Variants in NRG3 observed in about 807,000 individuals in gnomAD.
The protein encoded by NRG3 is pro-neuregulin-3, membrane-bound isoform.
A neutral mutation model predicts 66.9 loss-of-function variants in NRG3; 31 were observed. The observed-to-expected ratio is 0.46, with a 90% CI of 0.35 to 0.63. NRG3 has a LOEUF of 0.63. Among genes scored for constraint, NRG3 ranks in the 20% least tolerant of loss-of-function variants. The probability of loss-of-function intolerance (pLI) is 0.00; values close to 1 mark genes in which losing one functional copy is unlikely to be tolerated. For missense variants in NRG3, 910 were observed against 878.9 expected (o/e 1.04, Z -0.45); for synonymous variants, 393 against 359.4 (o/e 1.09, Z -1.06).
intron 1 of NRG3, among the ~76,000 whole-genome samples, chr10:81,957,437 A>T (rs1849947870): frequency 6.6e-6 from 1 of 152,202 alleles, no homozygotes; most frequent in African/African-American, 2.4e-5. Context: ...AATATTTAAA[A>T]TAGTCAGTGC....
chr10:82,853,585 T>A (rs1369013365), intron 3 of NRG3, among the ~76,000 whole-genome samples: 1 of 152,148 alleles, frequency 6.6e-6, no homozygotes, highest in Non-Finnish European at 1.5e-5. Context: ...TTGAGTTTTT[T>A]ATTTGATTGT....
intron 2 of NRG3, among the ~76,000 whole-genome samples, chr10:82,534,617 A>T (rs983731437): frequency 3.3e-5 from 5 of 152,150 alleles, no homozygotes; most frequent in African/African-American, 1.2e-4. Context: ...AAATAGCCAA[A>T]TCAATCTTGA....
At chr10:81,901,336 G>T (rs1291214602) in intron 1 of NRG3, among the ~76,000 whole-genome samples, 1 of 152,222 alleles carries the variant, frequency 6.6e-6, no homozygotes, top group Non-Finnish European at 1.5e-5. Flanking sequence ...TGGTCAACAT[G>T]TGTGATTTCT....
intron 1 of NRG3, among the ~76,000 whole-genome samples, chr10:81,930,034 A>G (rs1289317082): frequency 1.3e-5 from 2 of 152,146 alleles, no homozygotes; most frequent in African/African-American, 2.4e-5. Flanking sequence ...TCCAGCCTCA[A>G]TGCACTGGGC....
intron 4 of NRG3, among the ~76,000 whole-genome samples, chr10:82,893,519 C>G (rs1291248395): frequency 6.6e-6 from 1 of 152,114 alleles, no homozygotes. Context: ...GAAACCCCGT[C>G]TCTACTAAAA....
chr10:82,820,066 G>T (rs535143593), intron 3 of NRG3, among the ~76,000 whole-genome samples: 1 of 152,252 alleles, frequency 6.6e-6, no homozygotes, highest in South Asian at 2.1e-4. Flanking sequence ...GATGGTTTCC[G>T]AGAGCAACAA....
At chr10:82,417,932 G>A (rs1757907667) in intron 2 of NRG3, among the ~76,000 whole-genome samples, 1 of 152,222 alleles carries the variant, frequency 6.6e-6, no homozygotes. Flanking sequence ...AGCTCAATGA[G>A]TGATGATGGT....
chr10:82,929,844 C>T (rs563163859), intron 4 of NRG3, among the ~76,000 whole-genome samples: 11 of 147,948 alleles, frequency 7.4e-5, no homozygotes, highest in South Asian at 6.4e-4. Flanking sequence ...CCACTGCACT[C>T]CAGCCTGGGA....
rs71894841 is a variant in NRG3 at position 82,215,963 on chromosome 10, C to CTTTTTTT, written c.824-142760_824-142754dup. ...GTTTGTTTATATTTTTTATGTTTTC[C>CTTTTTTT]TTTTTTTTTTTTTTTTTTTTTTGAG... On this transcript the variant is annotated intron_variant, in intron 1 of 8. Transcript: ENST00000372141. Among the ~76,000 whole-genome samples the CTTTTTTT allele has an allele frequency of 1.3e-3, 121 of 89,654 alleles. 2 individuals carry two copies. Among genetic ancestry groups the CTTTTTTT allele is most frequent in the African/African-American group, 1.8e-3 (38 of 21,596 alleles). The allele number at this position is 89,654 out of a possible 152,430, so 58.8% of individuals were successfully genotyped here.
chr10:82,591,952 T>C (rs1052687004), intron 2 of NRG3, among the ~76,000 whole-genome samples: 1 of 152,202 alleles, frequency 6.6e-6, no homozygotes, highest in Non-Finnish European at 1.5e-5. Context: ...AACTCTAGTT[T>C]TTCTCCAGTG....
At chr10:82,919,038 G>C (rs889373653) in intron 4 of NRG3, among the ~76,000 whole-genome samples, 1 of 150,650 alleles carries the variant, frequency 6.6e-6, no homozygotes, top group Non-Finnish European at 1.5e-5. Flanking sequence ...CCTTTTATCT[G>C]GTAGGTAAGC....
At chr10:82,893,516 C>A (rs1843365141) in intron 4 of NRG3, among the ~76,000 whole-genome samples, 1 of 151,994 alleles carries the variant, frequency 6.6e-6, no homozygotes, top group South Asian at 2.1e-4. Flanking sequence ...GGTGAAACCC[C>A]GTCTCTACTA....
intron 2 of NRG3, among the ~76,000 whole-genome samples, chr10:82,373,355 C>T (rs2085011099): frequency 6.6e-6 from 1 of 152,190 alleles, no homozygotes; most frequent in African/African-American, 2.4e-5. Flanking sequence ...AACAAACAGA[C>T]CCCAGGCTTA....
intron 1 of NRG3, among the ~76,000 whole-genome samples, chr10:82,105,897 G>T (rs1006953649): frequency 1.3e-5 from 2 of 152,042 alleles, no homozygotes; most frequent in African/African-American, 4.8e-5. Context: ...CACACTGCTC[G>T]GTATGCAAAG....
chr10:82,683,358 C>T (rs2054263382), intron 2 of NRG3, among the ~76,000 whole-genome samples: 1 of 151,942 alleles, frequency 6.6e-6, no homozygotes, highest in Admixed American at 6.6e-5. Context: ...CCTCTCTCCC[C>T]TTGATCACAG....
intron 2 of NRG3, among the ~76,000 whole-genome samples, chr10:82,596,321 CT>C (rs2047275642): frequency 6.6e-6 from 1 of 152,098 alleles, no homozygotes; most frequent in Non-Finnish European, 1.5e-5. Flanking sequence ...CCAGGCTTTG[CT>C]TTTAGGGGAC....
At chr10:82,127,821 C>T (rs1183343453) in intron 1 of NRG3, among the ~76,000 whole-genome samples, 2 of 151,946 alleles carry the variant, frequency 1.3e-5, no homozygotes, top group Non-Finnish European at 2.9e-5. Flanking sequence ...GGGGCATCCC[C>T]ACCCTGCTAG....
At chr10:81,968,617 G>T (rs552182215) in intron 1 of NRG3, among the ~76,000 whole-genome samples, 1 of 152,158 alleles carries the variant, frequency 6.6e-6, no homozygotes, top group Admixed American at 6.5e-5. Context: ...CAAGTAAGAG[G>T]AATAGAGCAT....
At chr10:82,671,543 A>T (rs1262884387) in intron 2 of NRG3, among the ~76,000 whole-genome samples, 1 of 152,220 alleles carries the variant, frequency 6.6e-6, no homozygotes, top group East Asian at 1.9e-4. Flanking sequence ...ACTGCTGAAC[A>T]GGGTGCAGAG....
Sources: allele counts gnomAD v4.1 joint callset (sites outside exome capture counted in the v4.1 genomes callset), GRCh38; gene constraint gnomAD v4.1.1; transcripts MANE v1.5; gene names NCBI Gene and HGNC (gene_info 2026-07-23, HGNC 2026-07-21).